The following ZNF618 variants were observed in gnomAD, a reference collection of about 807,000 sequenced individuals.
ZNF618 encodes the protein zinc finger protein 618.
Under a neutral mutation model 103.0 loss-of-function variants are expected in ZNF618, and 34 were observed. The ratio of observed to expected loss-of-function variants is 0.33; its 90% confidence interval spans 0.25 to 0.44. The LOEUF is 0.44. ZNF618 is among the 20% of genes least tolerant of loss of function. The probability of loss-of-function intolerance (pLI) is 1.00; values close to 1 mark genes in which losing one functional copy is unlikely to be tolerated. For synonymous variants in ZNF618, 551 were observed against 542.2 expected (o/e 1.02, Z -0.23); for missense variants, 1,059 against 1,295.4 (o/e 0.82, Z 2.80).
intron 1 of ZNF618, among the ~76,000 whole-genome samples, chr9:113,940,077 TGC>T (rs1185832313): frequency 6.6e-6 from 1 of 152,056 alleles, no homozygotes; most frequent in African/African-American, 2.4e-5. Context: ...TGCTATATAG[TGC>T]TCTCATTGTT....
chr9:113,928,992 G>A (rs569897846), intron 1 of ZNF618, among the ~76,000 whole-genome samples: 1 of 152,242 alleles, frequency 6.6e-6, no homozygotes, highest in Non-Finnish European at 1.5e-5. Flanking sequence ...TTCAAGGGCA[G>A]GCCTTTGCTC....
chr9:113,917,506 G>A (rs529596955), intron 1 of ZNF618, among the ~76,000 whole-genome samples: 42 of 151,604 alleles, frequency 2.8e-4, no homozygotes, highest in Admixed American at 5.3e-4. Flanking sequence ...CACCTGTCCC[G>A]GCCTCCTAAA....
chr9:114,029,776 A>T (rs1316785415), intron 11 of ZNF618, among the ~76,000 whole-genome samples: 2 of 152,208 alleles, frequency 1.3e-5, no homozygotes, highest in Non-Finnish European at 2.9e-5. Context: ...GCCCAGCAGG[A>T]AATCAGTGGA....
chr9:114,049,880 A>G lies in ZNF618; in HGVS notation c.2578A>G (p.Asn860Asp). 6.2e-7 allele frequency: 1 copy of G among 1,613,922 alleles called. No individual in the cohort carries two copies. Among genetic ancestry groups the G allele is most frequent in the Non-Finnish European group, 8.5e-7 (1 of 1,179,902 alleles). The change falls in exon 15 of 15, where the codon AAC (asparagine) becomes GAC (aspartate). Residue 860 changes from asparagine (N) to aspartate (D), a missense_variant. Coordinates refer to ENST00000374126, the MANE Select transcript of ZNF618 (RefSeq NM_001318042.2). The stretch of plus-strand genomic sequence containing the variant: ...GAAGCCCCGCTCTGCTGCCGTCGAG[A>G]ACCCCGCAGCTCAGGAAGATGATCG... ...AKKPRSAAVE[N>D]PAAQEDDRLG...
At chr9:113,940,578 TG>T (rs1471972985) in intron 1 of ZNF618, among the ~76,000 whole-genome samples, 1 of 149,122 alleles carries the variant, frequency 6.7e-6, no homozygotes, top group East Asian at 2.0e-4. Context: ...GTTAAAATTT[TG>T]GGGGGGTGGT....
At chr9:113,984,774 A>T (rs1054652445) in intron 2 of ZNF618, among the ~76,000 whole-genome samples, 1 of 152,202 alleles carries the variant, frequency 6.6e-6, no homozygotes, top group African/African-American at 2.4e-5. Flanking sequence ...ATGAGGTCTT[A>T]GCTAGGAAAT....
At position 113,951,092 on chromosome 9, in the gene ZNF618, A is replaced by G. The variant is rs569134510; in HGVS notation, c.34-18025A>G. On this transcript the variant is annotated intron_variant, in intron 1 of 14. Coordinates refer to ENST00000374126, the MANE Select transcript of ZNF618 (RefSeq NM_001318042.2). ...AAATTGTTGAATGGGAGGGGGCTTGATTGGAGGCTAGAAGGCCAGTTGGAG... is the reference window on the plus strand; with the variant it reads ...AAATTGTTGAATGGGAGGGGGCTTGGTTGGAGGCTAGAAGGCCAGTTGGAG... Among the ~76,000 whole-genome samples the G allele has an allele frequency of 8.4e-4, 127 of 151,534 alleles. 2 individuals are homozygous for G. The South Asian group carries it at 0.026, about 31-fold the overall frequency.
chr9:114,029,841 C>T (rs1354972887), intron 11 of ZNF618, among the ~76,000 whole-genome samples: 3 of 152,276 alleles, frequency 2.0e-5, no homozygotes, highest in South Asian at 2.1e-4. Context: ...GAGGGGTAAA[C>T]AGACAATAAA....
chr9:113,884,454 A>G (rs914443070), intron 1 of ZNF618, among the ~76,000 whole-genome samples: 17 of 152,178 alleles, frequency 1.1e-4, no homozygotes, highest in Non-Finnish European at 2.1e-4. Flanking sequence ...ATGTAAGAAA[A>G]AAGTTTTGTA....
chr9:113,905,097 C>T (rs1830872286), intron 1 of ZNF618, among the ~76,000 whole-genome samples: 2 of 152,054 alleles, frequency 1.3e-5, no homozygotes, highest in Non-Finnish European at 2.9e-5. Context: ...TCCAAGACTG[C>T]CTCGCTCTGT....
In ZNF618 at chr9:114,052,674, A is replaced by G. The variant is rs1004454040; in HGVS notation, c.*2507A>G. The G allele has an allele frequency of 1.3e-5, 2 of 152,192 alleles. No individual in the cohort carries two copies. Among genetic ancestry groups the G allele is most frequent in the African/African-American group, 4.8e-5 (2 of 41,444 alleles). The allele number at this position is 152,192 out of a possible 1,614,324, so 9.4% of individuals were successfully genotyped here. A position where few individuals can be genotyped will look rare whatever the true frequency, so the allele number is the denominator to read the frequency against. ...ACCCACACAAGGATAGGAGCTGCCT[A>G]CTTTGTGTGGTAGGTGAGAGCAGAG... On this transcript the variant is annotated 3_prime_UTR_variant, in exon 15 of 15. Coordinates refer to ENST00000374126, the MANE Select transcript of ZNF618 (RefSeq NM_001318042.2).
chr9:113,894,574 A>G (rs1461207195), intron 1 of ZNF618, among the ~76,000 whole-genome samples: 3 of 152,166 alleles, frequency 2.0e-5, no homozygotes, highest in Non-Finnish European at 4.4e-5. Context: ...ATAGGACAAT[A>G]TTATGTTTTT....
rs757782164 is a variant in ZNF618 at position 114,050,063 on chromosome 9, G to T, written c.2761G>T (p.Gly921Trp). The stretch of plus-strand genomic sequence containing the variant: ...GGTTCCGGCCGTGGGCGCCAGAAGC[G>T]GGTGTGTAAATATGTGTGAACAAGC... The part of the protein sequence containing the change: ...LAVPAVGARS[G>W]CVNMCEQALL... The change falls in exon 15 of 15, where the codon GGG becomes TGG. Residue 921 changes from glycine to tryptophan, a missense_variant. By Grantham distance (184) the Gly-to-Trp change is radical. This residue lies in a region of ZNF618 where 156 missense variants were observed against 197.1 expected (regional missense o/e 0.79). Transcript: ENST00000374126. 3.1e-6 allele frequency: 5 copies of T among 1,613,430 alleles called. No homozygotes were observed. The African/African-American group carries it at 6.7e-5, about 22-fold the overall frequency.
chr9:114,000,360 C>T (rs191825750), intron 4 of ZNF618, among the ~76,000 whole-genome samples: 105 of 152,250 alleles, frequency 6.9e-4, no homozygotes, highest in African/African-American at 2.4e-3. Flanking sequence ...AGGATGTGTC[C>T]GAGATCAAAC....
chr9:114,032,788 CT>C lies in ZNF618; in HGVS notation c.1168+61del, dbSNP rs777416071. ...AGCTGCCAGCTTCGCCCGCTCCCCC[CT>C]GGCAGCCGCGGCAGCATCCTGTGGG... On this transcript the variant is annotated intron_variant, in intron 12 of 14. Transcript: ENST00000374126. The C allele has an allele frequency of 8.2e-5, 121 of 1,476,706 alleles. No individual in the cohort carries two copies. The South Asian group carries it at 1.1e-3, about 14-fold the overall frequency. The allele number at this position is 1,476,706 out of a possible 1,614,324, so 91.5% of individuals were successfully genotyped here. A position where few individuals can be genotyped will look rare whatever the true frequency, so the allele number is the denominator to read the frequency against.
rs764355244 is a variant in ZNF618 at position 114,049,524 on chromosome 9, C to T, written c.2222C>T (p.Pro741Leu). Residue 741 changes from proline (P) to leucine (L), a missense_variant, in exon 15 of 15, where the codon CCG (proline) becomes CTG (leucine). Around this residue, in one of 6 missense-constraint regions of ZNF618, gnomAD observed 272 missense variants for 380.1 expected, o/e 0.72. Coordinates refer to ENST00000374126, the MANE Select transcript of ZNF618 (RefSeq NM_001318042.2). ...LLSNLAAILT[P>L]VKQAVIELSN... ...AGCAACCTGGCGGCCATCCTGACGC[C>T]GGTGAAGCAGGCAGTCATCGAGCTG... 2.0e-5 allele frequency: 33 copies of T among 1,613,660 alleles called. No individual in the cohort carries two copies. The highest frequency in any genetic ancestry group is 2.2e-5 in the East Asian group (1 of 44,868).
chr9:113,960,302 C>T (rs1241590890), intron 1 of ZNF618, among the ~76,000 whole-genome samples: 2 of 152,216 alleles, frequency 1.3e-5, no homozygotes, highest in East Asian at 1.9e-4. Flanking sequence ...TACTGCAGCT[C>T]GCAATTGCTT....
At chr9:114,033,649 T>A (rs1408094259) in intron 12 of ZNF618, among the ~76,000 whole-genome samples, 1 of 151,602 alleles carries the variant, frequency 6.6e-6, no homozygotes, top group South Asian at 2.1e-4. Flanking sequence ...GCCTGGGGGG[T>A]GCCTGGCTGG....
At chr9:113,992,121 G>A (rs1840123171) in intron 3 of ZNF618, among the ~76,000 whole-genome samples, 1 of 152,166 alleles carries the variant, frequency 6.6e-6, no homozygotes, top group African/African-American at 2.4e-5. Context: ...GATTTTGTGG[G>A]TTAAGTCCAA....
Sources: allele counts gnomAD v4.1 joint callset (sites outside exome capture counted in the v4.1 genomes callset), GRCh38; gene constraint gnomAD v4.1.1; regional missense constraint gnomAD v4.1.1; transcripts MANE v1.5; gene names NCBI Gene and HGNC (gene_info 2026-07-23, HGNC 2026-07-21).